INTS13: variants seen among roughly 807,000 people sequenced by gnomAD.
The protein encoded by INTS13 is integrator complex subunit 13, also known as asunder, spermatogenesis regulator homolog (Drosphila).
INTS13 carries 35 observed loss-of-function variants against 90.2 expected under a neutral mutation model. That is an observed-to-expected ratio of 0.39 (90% CI 0.30 to 0.51). INTS13 has a LOEUF of 0.51. Ranked by LOEUF, INTS13 falls within the 20% of genes least tolerant of loss-of-function variation. The pLI, the probability that INTS13 is intolerant of heterozygous loss-of-function variation, is 0.80. For synonymous variants in INTS13, 309 were observed against 277.1 expected, an observed-to-expected ratio of 1.11 and a Z score of -1.14; for missense variants, 601 against 851.2, an observed-to-expected ratio of 0.71 and a Z score of 3.66.
intron 15 of INTS13, among the ~76,000 whole-genome samples, chr12:26,906,839 T>C (rs1456124690): frequency 1.3e-5 from 2 of 152,316 alleles, no homozygotes; most frequent in East Asian, 3.9e-4. Flanking sequence ...GCAGAGTGCA[T>C]ACTACCTCCA....
intron 15 of INTS13, among the ~76,000 whole-genome samples, chr12:26,910,733 T>G (rs1951746370): frequency 6.6e-6 from 1 of 152,236 alleles, no homozygotes; most frequent in Non-Finnish European, 1.5e-5. Flanking sequence ...TAATACAGGT[T>G]GTAAACAGAG....
chr12:26,924,596 G>T, intron 6 of INTS13, 113 bp from the exon 7 acceptor site: 1 of 1,203,562 alleles, frequency 8.3e-7, no homozygotes, highest in Non-Finnish European at 1.1e-6. Flanking sequence ...CTTTTTAGAA[G>T]TTGGAAAAAA....
At chr12:26,922,554 G>C in intron 8 of INTS13, 62 bp downstream of exon 8, 1 of 1,249,632 alleles carries the variant, frequency 8.0e-7, no homozygotes, top group Non-Finnish European at 1.1e-6. Context: ...GGATGTGGGG[G>C]CTACTGTAAT....
chr12:26,922,102 T>G (rs1353191822), intron 8 of INTS13, among the ~76,000 whole-genome samples: 1 of 152,226 alleles, frequency 6.6e-6, no homozygotes, highest in Non-Finnish European at 1.5e-5. Flanking sequence ...GTCCAGCATA[T>G]ATATGCTATA....
In INTS13 at chr12:26,936,764, C is replaced by T. The variant is rs1365889563; in HGVS notation, c.40G>A (p.Val14Met). 1 of 1,614,066 alleles carries T rather than the reference C, an allele frequency of 6.2e-7. No homozygotes were observed. Among genetic ancestry groups the T allele is most frequent in the Admixed American group, 1.7e-5 (1 of 60,026 alleles). Reference protein sequence around the residue: ...FSESHKTVFVVDHCPYMAESC... With the variant: ...FSESHKTVFVMDHCPYMAESC... ...TCTGCCATATAAGGGCAGTGATCCACAACAAACACTGTTTTATGAGATTCA... is the reference window on the plus strand; with the variant it reads ...TCTGCCATATAAGGGCAGTGATCCATAACAAACACTGTTTTATGAGATTCA... Residue 14 changes from valine (V) to methionine (M), a missense_variant, in exon 2 of 17, where the codon GTG (valine) becomes ATG (methionine). Physicochemically the swap from Val to Met is conservative, Grantham distance 21. This residue lies in a region of INTS13 where 284 missense variants were observed against 387.7 expected (regional missense o/e 0.73). Coordinates refer to ENST00000261191, the MANE Select transcript of INTS13 (RefSeq NM_018164.3).
At chr12:26,935,450 T>G (rs1215840180) in intron 2 of INTS13, among the ~76,000 whole-genome samples, 1 of 152,222 alleles carries the variant, frequency 6.6e-6, no homozygotes, top group Non-Finnish European at 1.5e-5. Context: ...CCAAGAAGTT[T>G]GATAATTGGT....
chr12:26,919,852 G>A (rs546581678), intron 8 of INTS13, among the ~76,000 whole-genome samples: 4 of 152,160 alleles, frequency 2.6e-5, no homozygotes, highest in African/African-American at 7.2e-5. Flanking sequence ...TTTAGGGGCC[G>A]GGCACGGTGA....
intron 8 of INTS13, among the ~76,000 whole-genome samples, chr12:26,919,498 T>C (rs762303841): frequency 9.9e-5 from 15 of 151,644 alleles, no homozygotes; most frequent in Non-Finnish European, 8.8e-5. Flanking sequence ...GGGTAAAGAG[T>C]AGATAGGGAC....
intron 11 of INTS13, 70 bp from the exon 12 acceptor site, chr12:26,914,648 T>C: frequency 7.8e-7 from 1 of 1,277,680 alleles, no homozygotes; most frequent in Admixed American, 2.3e-5. Context: ...CATGTACTAG[T>C]CTGTTTCCCT....
chr12:26,911,149 T>A (rs368468403), intron 15 of INTS13, 29 bp downstream of exon 15: 1 of 1,587,422 alleles, frequency 6.3e-7, no homozygotes, highest in Non-Finnish European at 8.5e-7. Context: ...AAACTTTTTA[T>A]AAACCTAGTT....
intron 2 of INTS13, among the ~76,000 whole-genome samples, 158 bp downstream of exon 2, chr12:26,936,421 A>T (rs575390457): frequency 6.6e-6 from 1 of 152,370 alleles, no homozygotes; most frequent in South Asian, 2.1e-4. Context: ...GGCCCCAATT[A>T]AATATCCATT....
intron 5 of INTS13, among the ~76,000 whole-genome samples, chr12:26,926,787 G>A (rs780130414): frequency 2.6e-4 from 40 of 152,190 alleles, no homozygotes; most frequent in Admixed American, 5.9e-4. Context: ...TGGATGACAG[G>A]AGCATCTTTT....
chr12:26,917,567 A>G lies in INTS13; in HGVS notation c.979+77T>C, dbSNP rs906323447. 4 of 1,398,866 alleles carry G rather than the reference A, an allele frequency of 2.9e-6. No homozygotes were observed. The African/African-American group carries it at 5.8e-5, about 20-fold the overall frequency. The allele number at this position is 1,398,866 out of a possible 1,614,324, so 86.7% of individuals were successfully genotyped here. A position where few individuals can be genotyped will look rare whatever the true frequency, so the allele number is the denominator to read the frequency against. ...AAACAATGAAAAACGAAAATGCAAA[A>G]CAGAATAAATTGACCCCCATATAAT... On this transcript the variant is annotated intron_variant, in intron 9 of 16. Transcript: ENST00000261191.
At chr12:26,905,678 T>C (rs1205284059) in intron 16 of INTS13, 142 bp from the exon 17 acceptor site, 2 of 780,886 alleles carry the variant, frequency 2.6e-6, no homozygotes, top group East Asian at 2.9e-5. Flanking sequence ...AACATCAGGG[T>C]TCCTCTAGCT....
intron 9 of INTS13, 62 bp from the exon 10 acceptor site, chr12:26,917,503 A>C: frequency 1.5e-6 from 2 of 1,293,342 alleles, no homozygotes; most frequent in Non-Finnish European, 2.2e-6. Context: ...AATTAAAAGA[A>C]AGAAAAAAAA....
chr12:26,925,892 G>T, intron 5 of INTS13, 41 bp from the exon 6 acceptor site: 1 of 1,399,652 alleles, frequency 7.1e-7, no homozygotes, highest in African/African-American at 1.4e-5. Flanking sequence ...AGAATACATA[G>T]TATGTAAAGA....
chr12:26,925,958 A>G (rs1937851122), intron 5 of INTS13, 107 bp from the exon 6 acceptor site: 1 of 741,366 alleles, frequency 1.3e-6, no homozygotes, highest in Non-Finnish European at 2.2e-6. Context: ...TATTGCTACA[A>G]TTAGATATTA....
intron 2 of INTS13, among the ~76,000 whole-genome samples, chr12:26,935,798 C>T (rs1938428925): frequency 6.6e-6 from 1 of 152,084 alleles, no homozygotes. Flanking sequence ...ACTCTACTGC[C>T]CTACCTTCCT....
chr12:26,918,424 T>C (rs571912436), intron 8 of INTS13, among the ~76,000 whole-genome samples: 1 of 152,348 alleles, frequency 6.6e-6, no homozygotes, highest in South Asian at 2.1e-4. Context: ...ATACCAAAGA[T>C]ATTATCTATG....
Sources: allele counts gnomAD v4.1 joint callset (sites outside exome capture counted in the v4.1 genomes callset), GRCh38; gene constraint gnomAD v4.1.1; regional missense constraint gnomAD v4.1.1; transcripts MANE v1.5; gene names NCBI Gene and HGNC (gene_info 2026-07-23, HGNC 2026-07-21).